PRCD: variants seen among roughly 807,000 people sequenced by gnomAD.
PRCD encodes photoreceptor disk component PRCD.
PRCD carries 12 observed loss-of-function variants against 10.1 expected under a neutral mutation model. That is an observed-to-expected ratio of 1.18 (90% CI 0.76 to 1.92). PRCD has a LOEUF of 1.92. Among genes scored for constraint, PRCD ranks in the 40% most tolerant of loss-of-function variants. PRCD has a pLI of 0.00. For missense variants in PRCD, 61 were observed against 72.2 expected (o/e 0.84, Z 0.56); for synonymous variants, 31 against 26.2 (o/e 1.18, Z -0.56).
chr17:76,543,186 C>A, intron 4 of PRCD, 65 bp downstream of exon 4: 1 of 446,588 alleles, frequency 2.2e-6, no homozygotes, highest in Non-Finnish European at 4.7e-6. Flanking sequence ...TGGGTGTGGG[C>A]TCCTGAGCAG....
chr17:76,534,178 T>C (rs143570332), intron 1 of PRCD, among the ~76,000 whole-genome samples: 368 of 63,674 alleles, frequency 5.8e-3, no homozygotes, highest in Non-Finnish European at 0.011. Context: ...CTCTCTCTCT[T>C]TCTTTCTTTC....
In PRCD at chr17:76,544,100, G is replaced by C. The variant is rs1567913029; in HGVS notation, c.*450G>C. On this transcript the variant is annotated 3_prime_UTR_variant, in exon 5 of 5. Coordinates refer to ENST00000592014, the MANE Select transcript of PRCD (RefSeq NM_001077620.3). Reference sequence around the variant, plus strand: ...TCAATCCTGCATGATCCTGAGCAGAGATAAAAGCAGATTTCCGCTTCTGCT... The same window carrying C: ...TCAATCCTGCATGATCCTGAGCAGACATAAAAGCAGATTTCCGCTTCTGCT... 2.2e-6 allele frequency: 1 copy of C among 454,600 alleles called. No homozygotes were observed. The highest frequency in any genetic ancestry group is 4.4e-6 in the Non-Finnish European group (1 of 226,952). The allele number at this position is 454,600 out of a possible 1,614,324, so 28.2% of individuals were successfully genotyped here. A position where few individuals can be genotyped will look rare whatever the true frequency, so the allele number is the denominator to read the frequency against.
upstream of PRCD, chr17:76,538,049 G>T: frequency 6.6e-6 from 1 of 152,642 alleles, no homozygotes; most frequent in South Asian, 2.0e-4. Flanking sequence ...CGCGGGCCGG[G>T]AGCGCTGGGT....
In PRCD at chr17:76,540,553, G is replaced by T. The variant is rs750104756; in HGVS notation, c.123G>T (p.Ala41=). Residue 41 remains alanine (A), a synonymous_variant, in exon 2 of 5, where the codon GCG becomes GCT. Transcript: ENST00000592014. This position sits in a 1 kb window ranked among gnomAD's most constrained non-coding sequence, Gnocchi z 5.0. ...DGAARGSSLD[A]DPQSSGREKE... is the part of the protein sequence containing the mutation. ...CAGCTAGGGGCAGCAGCTTGGATGCGGACCCTCAGTCCTCAGGCAGGTAAG... is the reference window on the plus strand; with the variant it reads ...CAGCTAGGGGCAGCAGCTTGGATGCTGACCCTCAGTCCTCAGGCAGGTAAG... 1.2e-5 allele frequency: 19 copies of T among 1,613,356 alleles called. No homozygotes were observed. The African/African-American group carries it at 2.1e-4, about 18-fold the overall frequency.
chr17:76,542,656 G>T, intron 3 of PRCD, 23 bp downstream of exon 3: 1 of 1,490,740 alleles, frequency 6.7e-7, no homozygotes, highest in Non-Finnish European at 9.4e-7. Flanking sequence ...TGGGAGCCGG[G>T]GAGGGCAGAG....
At position 76,531,587 on chromosome 17, in the gene PRCD, C is replaced by T; in HGVS notation, n.45+3754C>T. 1 of 1,613,980 alleles carries T rather than the reference C, an allele frequency of 6.2e-7. No homozygotes were observed. The highest frequency in any genetic ancestry group is 8.5e-7 in the Non-Finnish European group (1 of 1,179,826). On this transcript the variant is annotated intron_variant and non_coding_transcript_variant, in intron 1 of 4. Transcript: ENST00000397633. The surrounding 1 kb of genome is among the most constrained non-coding windows in gnomAD (Gnocchi z 7.4). ...AGTGTTGAGGGCCCCCATGACTCGG[C>T]AGGCGTGCTTCCGCAGCTGGGGGCT...
Position 76,540,134 on chromosome 17 carries a change from G to A in PRCD, c.-8G>A, listed in dbSNP as rs756997414. 6.3e-7 allele frequency: 1 copy of A among 1,598,922 alleles called. No individual in the cohort carries two copies. ...ACTTGGCCTGGGAGGGGATGGGGCA[G>A]CTGCGCCATGTGCACCACCCTTTTC... On this transcript the variant is annotated 5_prime_UTR_variant, in exon 1 of 5. Transcript: ENST00000592014. The surrounding 1 kb of genome is among the most constrained non-coding windows in gnomAD (Gnocchi z 5.0).
chr17:76,540,534 G>A lies in PRCD; in HGVS notation c.104G>A (p.Arg35Lys), dbSNP rs764158636. 2 of 1,613,682 alleles carry A rather than the reference G, an allele frequency of 1.2e-6. No individual in the cohort carries two copies. The highest frequency in any genetic ancestry group is 4.5e-5 in the East Asian group (2 of 44,876). ...CCCAGCGACGTGGATGGGGCAGCTA[G>A]GGGCAGCAGCTTGGATGCGGACCCT... The part of the protein sequence containing the change: ...PEPSDVDGAA[R>K]GSSLDADPQS... Residue 35 changes from arginine (R) to lysine (K), a missense_variant, in exon 2 of 5, where the codon AGG (arginine) becomes AAG (lysine). Coordinates refer to ENST00000592014, the MANE Select transcript of PRCD (RefSeq NM_001077620.3). This position sits in a 1 kb window ranked among gnomAD's most constrained non-coding sequence, Gnocchi z 5.0.
At chr17:76,537,397 T>A, upstream of PRCD, 1 of 1,589,908 alleles carries the variant, frequency 6.3e-7, no homozygotes, top group Non-Finnish European at 8.6e-7. Context: ...GGGCGACACC[T>A]ACCTCACCAG....
At chr17:76,536,508 G>T (rs1309324714), upstream of PRCD, among the ~76,000 whole-genome samples, 1 of 152,212 alleles carries the variant, frequency 6.6e-6, no homozygotes, top group Non-Finnish European at 1.5e-5. Flanking sequence ...ACCAGCACGT[G>T]TGGAAAGAGA....
intron 1 of PRCD, chr17:76,552,947 GTATACATATA>G (rs1225159303): frequency 7.1e-6 from 1 of 140,288 alleles, no homozygotes; most frequent in Non-Finnish European, 1.5e-5. Flanking sequence ...ATGTATACAT[GTATACATATA>G]TATGTGTGTG....
chr17:76,543,243 G>C (rs918235193), intron 4 of PRCD, 122 bp downstream of exon 4: 7 of 368,412 alleles, frequency 1.9e-5, no homozygotes, highest in African/African-American at 1.5e-4. Flanking sequence ...CGCTGCTCTC[G>C]GACGGGCTTC....
rs1290596874 is a variant in PRCD at position 76,533,589 on chromosome 17, G to A, written n.45+5756G>A. On this transcript the variant is annotated intron_variant and non_coding_transcript_variant, in intron 1 of 4. Transcript: ENST00000397633. This position sits in a 1 kb window ranked among gnomAD's most constrained non-coding sequence, Gnocchi z 4.5. Reference sequence around the variant, plus strand: ...ATACAAAAAATTAGCCAGGTGTGGTGGCACACACCTTTGATTCCAGCTACT... The same window carrying A: ...ATACAAAAAATTAGCCAGGTGTGGTAGCACACACCTTTGATTCCAGCTACT... Among the ~76,000 whole-genome samples the A allele has an allele frequency of 6.6e-6, 1 of 152,016 alleles. No individual in the cohort carries two copies. The highest frequency in any genetic ancestry group is 1.5e-5 in the Non-Finnish European group (1 of 68,004).
chr17:76,541,444 GTCTCTT>G (rs1403818642), intron 2 of PRCD, among the ~76,000 whole-genome samples: 1 of 152,176 alleles, frequency 6.6e-6, no homozygotes, highest in Non-Finnish European at 1.5e-5. Flanking sequence ...GACCATCCAT[GTCTCTT>G]TCTGAGTGGG....
Position 76,530,765 on chromosome 17 carries a change from C to T in PRCD, n.45+2932C>T, listed in dbSNP as rs1041079709. ...TCTTTGGGAGGATTTTTGCTCAGGG[C>T]TCATGGCTCTGAGCAGCCTGAAGTC... On this transcript the variant is annotated intron_variant and non_coding_transcript_variant, in intron 1 of 4. Coordinates refer to the PRCD transcript ENST00000397633. This position sits in a 1 kb window ranked among gnomAD's most constrained non-coding sequence, Gnocchi z 6.1. Among the ~76,000 whole-genome samples, 7 of 152,124 alleles carry T rather than the reference C, an allele frequency of 4.6e-5. No individual in the cohort carries two copies. Among genetic ancestry groups the T allele is most frequent in the African/African-American group, 1.7e-4 (7 of 41,420 alleles).
intron 1 of PRCD, chr17:76,550,479 C>G (rs1285375989): frequency 6.6e-6 from 1 of 152,126 alleles, no homozygotes; most frequent in Non-Finnish European, 1.5e-5. Context: ...CCAGGCTGGT[C>G]TCAAACTCCT....
rs941682942 is a variant in PRCD at position 76,528,747 on chromosome 17, C to T, written n.45+914C>T. The T allele has an allele frequency of 4.6e-5, 48 of 1,039,168 alleles. No individual in the cohort carries two copies. The highest frequency in any genetic ancestry group is 2.8e-4 in the African/African-American group (17 of 60,448). 64.4% of individuals were successfully genotyped at this position (1,039,168 alleles called of 1,614,324 possible). On this transcript the variant is annotated intron_variant and non_coding_transcript_variant, in intron 1 of 4. Transcript: ENST00000397633. The surrounding 1 kb of genome is among the most constrained non-coding windows in gnomAD (Gnocchi z 5.8). ...CCGGCACAGTGCAGTTGAAAGCAACCGTGAGACCCAAGTTCTAGTCTCCGT... is the reference window on the plus strand; with the variant it reads ...CCGGCACAGTGCAGTTGAAAGCAACTGTGAGACCCAAGTTCTAGTCTCCGT...
upstream of PRCD, among the ~76,000 whole-genome samples, chr17:76,536,099 C>G (rs2074910569): frequency 6.6e-6 from 1 of 152,192 alleles, no homozygotes; most frequent in Non-Finnish European, 1.5e-5. Context: ...GCCCTAGTAT[C>G]CCAATGTCCC....
chr17:76,541,988 G>T (rs2074997496), intron 2 of PRCD, among the ~76,000 whole-genome samples: 2 of 152,144 alleles, frequency 1.3e-5, no homozygotes, highest in South Asian at 2.1e-4. Flanking sequence ...TTCTCCAGAG[G>T]TTTCCTACCT....
Sources: gnomAD v4.1 joint callset for allele counts (sites outside exome capture counted in the v4.1 genomes callset) on GRCh38, gnomAD v4.1.1 for gene constraint, Gnocchi (gnomAD v3.1) non-coding constraint, MANE v1.5 for transcripts, NCBI Gene and HGNC (gene_info 2026-07-23, HGNC 2026-07-21) for gene names.